The following SNED1 variants were observed in gnomAD, a reference collection of about 807,000 sequenced individuals.
SNED1 encodes sushi, nidogen and EGF-like domain-containing protein 1.
Under a neutral mutation model 166.7 loss-of-function variants are expected in SNED1, and 81 were observed. The observed-to-expected ratio is 0.49, with a 90% CI of 0.41 to 0.58. The LOEUF is 0.58. SNED1 is among the 20% of genes least tolerant of loss of function. The pLI is 0.00. For missense variants in SNED1, 1,604 were observed against 2,000.2 expected, an observed-to-expected ratio of 0.80 and a Z score of 3.78; for synonymous variants, 762 against 822.0, an observed-to-expected ratio of 0.93 and a Z score of 1.25.
intron 16 of SNED1, among the ~76,000 whole-genome samples, chr2:241,054,801 G>A (rs1401052987): frequency 6.6e-6 from 1 of 152,210 alleles, no homozygotes; most frequent in African/African-American, 2.4e-5. Context: ...GAAAGAAGCA[G>A]GGAAAGATAA....
chr2:241,040,518 C>A, intron 8 of SNED1, 105 bp downstream of exon 8: 1 of 710,866 alleles, frequency 1.4e-6, no homozygotes, highest in Non-Finnish European at 2.3e-6. Context: ...TGACTCACCT[C>A]ACACCTGTCT....
chr2:241,046,148 A>T (rs906019137), intron 8 of SNED1, among the ~76,000 whole-genome samples: 1 of 152,240 alleles, frequency 6.6e-6, no homozygotes, highest in African/African-American at 2.4e-5. Flanking sequence ...TGCCTAAAAA[A>T]AATAATACTG....
At chr2:241,062,481 AT>A (rs35103328) in intron 16 of SNED1, among the ~76,000 whole-genome samples, 2 of 152,252 alleles carry the variant, frequency 1.3e-5, no homozygotes, top group African/African-American at 4.8e-5. Context: ...GACATGAGAC[AT>A]TTTCTGTCAA....
intron 1 of SNED1, among the ~76,000 whole-genome samples, chr2:241,023,219 C>T (rs1214459550): frequency 1.3e-5 from 2 of 152,022 alleles, no homozygotes; most frequent in African/African-American, 4.8e-5. Flanking sequence ...GCATGCAATA[C>T]TATAAATTTC....
At position 241,003,053 on chromosome 2, in the gene SNED1, A is replaced by C. The variant is rs1320638748; in HGVS notation, c.213+4003A>C. ...GCAGAGTGACCAAGGGAGCCATACAAAACACCAGTGGGATCCTGTCTCTCC... is the reference window on the plus strand; with the variant it reads ...GCAGAGTGACCAAGGGAGCCATACACAACACCAGTGGGATCCTGTCTCTCC... On this transcript the variant is annotated intron_variant, in intron 1 of 31. Coordinates refer to ENST00000310397, the MANE Select transcript of SNED1 (RefSeq NM_001080437.3). Among the ~76,000 whole-genome samples the C allele has an allele frequency of 3.9e-5, 6 of 151,976 alleles. No individual in the cohort carries two copies. The East Asian group carries it at 1.2e-3, about 30-fold the overall frequency.
rs375996335 is a variant in SNED1 at position 241,036,927 on chromosome 2, G to C, written c.931+12G>C. The C allele has an allele frequency of 4.5e-5, 72 of 1,605,088 alleles. No homozygotes were observed. The African/African-American group carries it at 5.1e-4, about 11-fold the overall frequency. On this transcript the variant is annotated intron_variant, in intron 5 of 31. Coordinates refer to ENST00000310397, the MANE Select transcript of SNED1 (RefSeq NM_001080437.3). ...GAGGTGCCACCTGGGTGAGTGACTGGCCCAGGGCGGGACCACCCGCTGGCT... is the reference window on the plus strand; with the variant it reads ...GAGGTGCCACCTGGGTGAGTGACTGCCCCAGGGCGGGACCACCCGCTGGCT...
intron 2 of SNED1, among the ~76,000 whole-genome samples, chr2:241,031,106 GAAAAGAGGC>G (rs1553562325): frequency 6.6e-6 from 1 of 152,168 alleles, no homozygotes; most frequent in Non-Finnish European, 1.5e-5. Flanking sequence ...TGACTCCCTA[GAAAAGAGGC>G]GCTGGGTGCA....
intron 1 of SNED1, among the ~76,000 whole-genome samples, chr2:241,011,164 G>A (rs183119529): frequency 0.032 from 4,617 of 144,222 alleles, 140 homozygotes; most frequent in Non-Finnish European, 0.052. Flanking sequence ...CCTGGGGGTG[G>A]CAGGTCTCCT....
At position 241,068,005 on chromosome 2, in the gene SNED1, GACACGGGGCCCAGGTCTCGGGC is replaced by G. The variant is rs2062534851; in HGVS notation, c.3194+62_3194+83del. ...GTGAAGGCAGGGGTGGGGGCTCGGG[GACACGGGGCCCAGGTCTCGGGC>G]ACATTCTCCGTGTGTGGACTGTACC... On this transcript the variant is annotated intron_variant, in intron 22 of 31. Coordinates refer to ENST00000310397, the MANE Select transcript of SNED1 (RefSeq NM_001080437.3). This position sits in a 1 kb window ranked among gnomAD's most constrained non-coding sequence, Gnocchi z 5.3. The G allele has an allele frequency of 1.4e-6, 2 of 1,475,774 alleles. No homozygotes were observed. Among genetic ancestry groups the G allele is most frequent in the Admixed American group, 3.6e-5 (2 of 55,352 alleles). 91.4% of individuals were successfully genotyped at this position (1,475,774 alleles called of 1,614,324 possible).
chr2:241,068,883 TTC>T lies in SNED1; in HGVS notation c.3195-22_3195-21del, dbSNP rs1399588585. The T allele has an allele frequency of 1.4e-6, 2 of 1,475,556 alleles. No homozygotes were observed. Among genetic ancestry groups the T allele is most frequent in the Non-Finnish European group, 1.8e-6 (2 of 1,082,234 alleles). 91.4% of individuals were successfully genotyped at this position (1,475,556 alleles called of 1,614,324 possible). A position where few individuals can be genotyped will look rare whatever the true frequency, so the allele number is the denominator to read the frequency against. ...CACACACAGGTCCCAGACATCCCTG[TTC>T]TCTCTTTGTCACCTCCTGCCCACAG... On this transcript the variant is annotated intron_variant, in intron 22 of 31. Coordinates refer to ENST00000310397, the MANE Select transcript of SNED1 (RefSeq NM_001080437.3). The surrounding 1 kb of genome is among the most constrained non-coding windows in gnomAD (Gnocchi z 5.3).
chr2:241,082,546 G>A (rs930128560), intron 29 of SNED1, among the ~76,000 whole-genome samples, 182 bp downstream of exon 29: 2 of 152,140 alleles, frequency 1.3e-5, no homozygotes, highest in East Asian at 1.9e-4. Flanking sequence ...CAGAAAAACC[G>A]AATAACTGCC....
Position 241,053,319 on chromosome 2 carries a change from G to A in SNED1, c.2250G>A (p.Gln750=). 6.4e-7 allele frequency: 1 copy of A among 1,571,980 alleles called. No homozygotes were observed. The highest frequency in any genetic ancestry group is 8.7e-7 in the Non-Finnish European group (1 of 1,155,932). The change falls in exon 16 of 32, where the codon CAG becomes CAA. Residue 750 remains glutamine (Q), a synonymous_variant. Coordinates refer to ENST00000310397, the MANE Select transcript of SNED1 (RefSeq NM_001080437.3). ...QPHGVWSEPP[Q]CLEIDECRSQ... ...ACGGTGTCTGGAGTGAGCCTCCCCA[G>A]TGCCTTGGTGATTCTGTGGGCCCTT... is the stretch of plus-strand genomic sequence containing the variant.
chr2:241,022,970 C>T, intron 1 of SNED1, among the ~76,000 whole-genome samples: 1 of 152,114 alleles, frequency 6.6e-6, no homozygotes, highest in Non-Finnish European at 1.5e-5. Flanking sequence ...ATCACTCTCA[C>T]CAGAGGTTTA....
In SNED1 at chr2:241,075,331, C is replaced by T. The variant is rs1367001701; in HGVS notation, c.3916+1967C>T. ...CTAAGAGGCGATAGCAGTCTGCGCT[C>T]CCTCCAGCAGTGATGAAGACATGCA... On this transcript the variant is annotated intron_variant, in intron 27 of 31. Transcript: ENST00000310397. The surrounding 1 kb of genome is among the most constrained non-coding windows in gnomAD (Gnocchi z 4.8). 2 of 152,172 alleles carry T rather than the reference C, an allele frequency of 1.3e-5. No homozygotes were observed. Among genetic ancestry groups the T allele is most frequent in the Non-Finnish European group, 2.9e-5 (2 of 68,048 alleles). The allele number at this position is 152,172 out of a possible 1,614,324, so 9.4% of individuals were successfully genotyped here. A position where few individuals can be genotyped will look rare whatever the true frequency, so the allele number is the denominator to read the frequency against.
rs537680408 is a variant in SNED1 at position 241,059,180 on chromosome 2, T to G, written c.2258-3611T>G. Among the ~76,000 whole-genome samples, 8 of 152,264 alleles carry G rather than the reference T, an allele frequency of 5.3e-5. No individual in the cohort carries two copies. In the South Asian group the frequency reaches 8.3e-4, roughly 16 times the overall value. ...GAAATGGATACCCTGAAAGACAAAT[T>G]ACCAGAACTGACACAAGAATAATAG... On this transcript the variant is annotated intron_variant, in intron 16 of 31. Coordinates refer to ENST00000310397, the MANE Select transcript of SNED1 (RefSeq NM_001080437.3).
At chr2:241,046,300 C>A (rs764836714) in intron 8 of SNED1, among the ~76,000 whole-genome samples, 2 of 152,180 alleles carry the variant, frequency 1.3e-5, no homozygotes, top group African/African-American at 4.8e-5. Context: ...AATCCCACTC[C>A]TTGTATTAAC....
At position 241,033,727 on chromosome 2, in the gene SNED1, C is replaced by T. The variant is rs746035193; in HGVS notation, c.502-8C>T. 1.2e-6 allele frequency: 2 copies of T among 1,609,688 alleles called. No individual in the cohort carries two copies. Among genetic ancestry groups the T allele is most frequent in the South Asian group, 1.1e-5 (1 of 90,172 alleles). ...GCAGGGCCCTGTTCAGCCCCCTCTC[C>T]CCGGCAGGTCAACACATTCCAGACT... On this transcript the variant is annotated splice_polypyrimidine_tract_variant and splice_region_variant and intron_variant, in intron 2 of 31. Transcript: ENST00000310397.
intron 12 of SNED1, among the ~76,000 whole-genome samples, chr2:241,050,422 C>A (rs2061801892): frequency 6.6e-6 from 1 of 152,112 alleles, no homozygotes; most frequent in South Asian, 2.1e-4. Flanking sequence ...TCCCATCAGT[C>A]ACCCCCAGAC....
At chr2:241,020,907 C>G (rs2060752214) in intron 1 of SNED1, among the ~76,000 whole-genome samples, 1 of 152,196 alleles carries the variant, frequency 6.6e-6, no homozygotes, top group Non-Finnish European at 1.5e-5. Flanking sequence ...CCCTGAAAGT[C>G]CCCTGACACC....
Sources: gnomAD v4.1 joint callset for allele counts (sites outside exome capture counted in the v4.1 genomes callset) on GRCh38, gnomAD v4.1.1 for gene constraint, Gnocchi (gnomAD v3.1) non-coding constraint, MANE v1.5 for transcripts, NCBI Gene and HGNC (gene_info 2026-07-23, HGNC 2026-07-21) for gene names.